FMN2: variants seen among roughly 807,000 people sequenced by gnomAD.
FMN2 encodes formin 2, also known as formin-2.
A neutral mutation model predicts 142.3 loss-of-function variants in FMN2; 51 were observed. The observed-to-expected ratio is 0.36, with a 90% CI of 0.29 to 0.45. The LOEUF is 0.45. Among genes scored for constraint, FMN2 ranks in the 20% least tolerant of loss-of-function variants. The probability of loss-of-function intolerance (pLI) is 1.00; values close to 1 mark genes in which losing one functional copy is unlikely to be tolerated. For missense variants in FMN2, 1,936 were observed against 2,122.8 expected, an observed-to-expected ratio of 0.91 and a Z score of 1.73; for synonymous variants, 882 against 869.8, an observed-to-expected ratio of 1.01 and a Z score of -0.25.
intron 15 of FMN2, among the ~76,000 whole-genome samples, chr1:240,399,664 C>G (rs1319970712): frequency 6.6e-6 from 1 of 152,168 alleles, no homozygotes; most frequent in Non-Finnish European, 1.5e-5. Flanking sequence ...CTGTTCCAGA[C>G]TAACAATGCA....
rs1666675724 is a variant in FMN2, at chr1:240,211,128, G to C, written c.3958G>C (p.Glu1320Gln). Residue 1320 changes from glutamate to glutamine, a missense_variant, in exon 6 of 18, where the codon GAG becomes CAG. Transcript: ENST00000319653. ...TTCACTTATTTGGGAAAAAATTGAA[G>C]AGCCATCCATAGATTGTCATGAATT... ...STSLIWEKIE[E>Q]PSIDCHEFEE... 3 of 1,612,928 alleles carry C rather than the reference G, an allele frequency of 1.9e-6. No individual in the cohort carries two copies. The highest frequency in any genetic ancestry group is 4.5e-5 in the East Asian group (2 of 44,824).
At chr1:240,155,797 A>T (rs1158709457) in intron 2 of FMN2, among the ~76,000 whole-genome samples, 1 of 151,688 alleles carries the variant, frequency 6.6e-6, no homozygotes, top group Non-Finnish European at 1.5e-5. Context: ...TTAATTTTTG[A>T]TGAGCAATGC....
chr1:240,285,765 A>G (rs1669568718), intron 7 of FMN2, among the ~76,000 whole-genome samples: 1 of 152,230 alleles, frequency 6.6e-6, no homozygotes, highest in Non-Finnish European at 1.5e-5. Context: ...GATCTAAAAC[A>G]CTGGTGACTC....
Position 240,139,633 on chromosome 1 carries a change from A to G in FMN2, c.1782+16288A>G, listed in dbSNP as rs150297629. Among the ~76,000 whole-genome samples, 398 of 152,370 alleles carry G rather than the reference A, an allele frequency of 2.6e-3. 2 individuals are homozygous for G. The highest frequency in any genetic ancestry group is 9.2e-3 in the African/African-American group (382 of 41,590). The stretch of plus-strand genomic sequence containing the variant: ...TAAGTGATATTCAGTGTTGCCAAGA[A>G]ATCAAGATAAAGACTGAAAGCTACT... On this transcript the variant is annotated intron_variant, in intron 2 of 17. Coordinates refer to ENST00000319653, the MANE Select transcript of FMN2 (RefSeq NM_020066.5).
At chr1:240,176,862 G>A (rs1241683319) in intron 2 of FMN2, among the ~76,000 whole-genome samples, 9 of 152,170 alleles carry the variant, frequency 5.9e-5, no homozygotes, top group Non-Finnish European at 1.3e-4. Flanking sequence ...ACCAATGACT[G>A]TCCCTAAATG....
chr1:240,178,037 T>C lies in FMN2; in HGVS notation c.1899T>C (p.Asp633=). Residue 633 remains aspartate (D), a synonymous_variant, in exon 3 of 18, where the codon GAT becomes GAC. Transcript: ENST00000319653. ...PSMGPPSKPP[D]EEHRLEDAET... ...TGGGGCCACCATCCAAACCTCCCGATGAGGAACACAGGCTCGAGGATGCTG... is the reference window on the plus strand; with the variant it reads ...TGGGGCCACCATCCAAACCTCCCGACGAGGAACACAGGCTCGAGGATGCTG... 3 of 1,610,000 alleles carry C rather than the reference T, an allele frequency of 1.9e-6. No homozygotes were observed. Among genetic ancestry groups the C allele is most frequent in the Non-Finnish European group, 2.5e-6 (3 of 1,178,666 alleles).
chr1:240,464,443 C>T (rs1028230163), intron 16 of FMN2, among the ~76,000 whole-genome samples: 8 of 151,934 alleles, frequency 5.3e-5, no homozygotes, highest in East Asian at 1.9e-4. Context: ...CACATATACC[C>T]GACAAAAAAA....
chr1:240,408,484 G>C (rs1674287533), intron 15 of FMN2, among the ~76,000 whole-genome samples: 1 of 152,104 alleles, frequency 6.6e-6, no homozygotes, highest in Non-Finnish European at 1.5e-5. Context: ...TGTTCACCTT[G>C]TTTTATTCTA....
intron 13 of FMN2, among the ~76,000 whole-genome samples, chr1:240,344,661 A>G (rs1671851692): frequency 6.6e-6 from 1 of 152,188 alleles, no homozygotes; most frequent in Non-Finnish European, 1.5e-5. Context: ...TAGTCGTTGA[A>G]TTCTAAGATT....
chr1:240,408,886 A>G (rs2103122161), intron 15 of FMN2, among the ~76,000 whole-genome samples: 1 of 152,276 alleles, frequency 6.6e-6, no homozygotes, highest in Non-Finnish European at 1.5e-5. Flanking sequence ...TAGGTTGACA[A>G]GCGTATTTTC....
At chr1:240,283,988 C>T (rs1422139527) in intron 7 of FMN2, among the ~76,000 whole-genome samples, 4 of 152,118 alleles carry the variant, frequency 2.6e-5, no homozygotes, top group Non-Finnish European at 5.9e-5. Context: ...CCTCTTTCCT[C>T]CTTCGTCTGG....
At chr1:240,204,429 G>A (rs536597492) in intron 4 of FMN2, among the ~76,000 whole-genome samples, 3 of 152,174 alleles carry the variant, frequency 2.0e-5, no homozygotes, top group South Asian at 4.1e-4. Context: ...GCAAGACTCT[G>A]TTGTGGAAAA....
At chr1:240,143,267 G>A in intron 2 of FMN2, 2 of 1,562,416 alleles carry the variant, frequency 1.3e-6, no homozygotes, top group South Asian at 1.1e-5. Context: ...ATTTGCTTAG[G>A]GTATCCAGGA....
At chr1:240,320,313 T>C (rs1034473466) in intron 8 of FMN2, among the ~76,000 whole-genome samples, 2 of 152,086 alleles carry the variant, frequency 1.3e-5, no homozygotes, top group Non-Finnish European at 2.9e-5. Context: ...ACCTGGAAAT[T>C]CTTTTATGTG....
chr1:240,361,141 G>GTGTA (rs1482884783), intron 14 of FMN2, among the ~76,000 whole-genome samples: 62 of 43,206 alleles, frequency 1.4e-3, no homozygotes, highest in Admixed American at 2.5e-3. Context: ...AAATATATGT[G>GTGTA]TATATATATA....
chr1:240,369,170 T>C lies in FMN2; in HGVS notation c.4858+13262T>C, dbSNP rs369254571. Among the ~76,000 whole-genome samples the C allele has an allele frequency of 2.9e-3, 448 of 152,276 alleles. 5 individuals carry two copies. Among genetic ancestry groups the C allele is most frequent in the African/African-American group, 0.01 (433 of 41,564 alleles). On this transcript the variant is annotated intron_variant, in intron 14 of 17. Coordinates refer to ENST00000319653, the MANE Select transcript of FMN2 (RefSeq NM_020066.5). ...CTCCACCTCCTGCCTTTTCTACTCT[T>C]TGTTTCTAGGCATGCAAGTTTTTTG...
chr1:240,203,794 A>G lies in FMN2; in HGVS notation c.1987-3005A>G, dbSNP rs183855283. On this transcript the variant is annotated intron_variant, in intron 4 of 17. Coordinates refer to ENST00000319653, the MANE Select transcript of FMN2 (RefSeq NM_020066.5). ...TGGAACAAACCTGCATGTCCTGCAC[A>G]TGTATCCCAGGACTTAAAATAAAAT... Among the ~76,000 whole-genome samples, 141 of 152,308 alleles carry G rather than the reference A, an allele frequency of 9.3e-4. 1 individual carries two copies. The highest frequency in any genetic ancestry group is 6.9e-4 in the Non-Finnish European group (47 of 68,030).
intron 6 of FMN2, among the ~76,000 whole-genome samples, chr1:240,222,715 G>T (rs1405319248): frequency 6.6e-6 from 1 of 152,070 alleles, no homozygotes; most frequent in Non-Finnish European, 1.5e-5. Flanking sequence ...CACATCCCTT[G>T]TAAGTTTTAT....
At chr1:240,223,858 A>G (rs543986103) in intron 6 of FMN2, among the ~76,000 whole-genome samples, 7 of 151,448 alleles carry the variant, frequency 4.6e-5, no homozygotes, top group African/African-American at 1.5e-4. Flanking sequence ...TATTGTGTCT[A>G]TTTGTTTCTT....
Sources: gnomAD v4.1 joint callset for allele counts (sites outside exome capture counted in the v4.1 genomes callset) on GRCh38, gnomAD v4.1.1 for gene constraint, MANE v1.5 for transcripts, NCBI Gene and HGNC (gene_info 2026-07-23, HGNC 2026-07-21) for gene names.